Variants in NCOA7 observed in about 807,000 individuals in gnomAD.
NCOA7 encodes the protein nuclear receptor coactivator 7.
A neutral mutation model predicts 104.3 loss-of-function variants in NCOA7; 45 were observed. That is an observed-to-expected ratio of 0.43 (90% CI 0.34 to 0.55). The LOEUF (loss-of-function observed/expected upper bound fraction) is 0.55. NCOA7 is among the 20% of genes least tolerant of loss of function. The probability of loss-of-function intolerance (pLI) is 0.02; values close to 1 mark genes in which losing one functional copy is unlikely to be tolerated. For synonymous variants in NCOA7, 398 were observed against 402.3 expected (o/e 0.99, Z 0.13); for missense variants, 1,041 against 1,119.7 (o/e 0.93, Z 1.00).
At chr6:125,814,684 G>A (rs372072841) in intron 1 of NCOA7, among the ~76,000 whole-genome samples, 2 of 152,148 alleles carry the variant, frequency 1.3e-5, no homozygotes, top group African/African-American at 4.8e-5. Context: ...GCTGGCAAGC[G>A]TGGGTGAGGG....
In NCOA7 at chr6:125,928,722, A is replaced by G. The variant is rs1788267859; in HGVS notation, c.2780A>G (p.Lys927Arg). The G allele has an allele frequency of 6.2e-7, 1 of 1,614,034 alleles. No homozygotes were observed. The highest frequency in any genetic ancestry group is 8.5e-7 in the Non-Finnish European group (1 of 1,179,970). Residue 927 changes from lysine (K) to arginine (R), a missense_variant, in exon 16 of 16, where the codon AAA becomes AGA. Physicochemically the swap from Lys to Arg is conservative, Grantham distance 26. This residue lies in a region of NCOA7 where 127 missense variants were observed against 177.0 expected (regional missense o/e 0.72). Transcript: ENST00000392477. ...ACTTTCAATAATGATATTCTTTCCA[A>G]AAAGGAAGACTTCATAGTTCAGGAT... is the stretch of plus-strand genomic sequence containing the variant. ...CSTFNNDILS[K>R]KEDFIVQDLE...
At chr6:125,887,751 G>C (rs1051055306) in intron 8 of NCOA7, among the ~76,000 whole-genome samples, 21 of 152,064 alleles carry the variant, frequency 1.4e-4, no homozygotes, top group Non-Finnish European at 1.2e-4. Context: ...GACCTTTTTA[G>C]AAAATACAAT....
intron 1 of NCOA7, among the ~76,000 whole-genome samples, chr6:125,812,482 A>C (rs1161602923): frequency 6.6e-6 from 1 of 152,226 alleles, no homozygotes; most frequent in Non-Finnish European, 1.5e-5. Context: ...TAAACTAGTA[A>C]GAGCTGAGAC....
At chr6:125,788,897 A>G (rs1394093322), upstream of NCOA7, among the ~76,000 whole-genome samples, 2 of 152,082 alleles carry the variant, frequency 1.3e-5, no homozygotes, top group Non-Finnish European at 2.9e-5. Context: ...ATACTCAGTT[A>G]TAGGTTTTTG....
intron 10 of NCOA7, among the ~76,000 whole-genome samples, chr6:125,894,660 C>T (rs1383935975): frequency 6.6e-6 from 1 of 152,162 alleles, no homozygotes; most frequent in Non-Finnish European, 1.5e-5. Flanking sequence ...CAGTCCTTGA[C>T]CCCTGGTTTG....
At chr6:125,799,545 T>C (rs1775688094) in intron 1 of NCOA7, among the ~76,000 whole-genome samples, 1 of 151,804 alleles carries the variant, frequency 6.6e-6, no homozygotes, top group African/African-American at 2.4e-5. Flanking sequence ...GTTCAAGCAA[T>C]TCTCCTGAGT....
At chr6:125,839,388 G>C (rs1779913993) in intron 2 of NCOA7, among the ~76,000 whole-genome samples, 1 of 152,178 alleles carries the variant, frequency 6.6e-6, no homozygotes, top group African/African-American at 2.4e-5. Flanking sequence ...AAAGTGCTGG[G>C]ATTACAAGAG....
chr6:125,813,577 A>G (rs1398174801), intron 1 of NCOA7, among the ~76,000 whole-genome samples: 1 of 150,718 alleles, frequency 6.6e-6, no homozygotes, highest in Admixed American at 6.6e-5. Context: ...TCAGCCTCCC[A>G]AGTGCTGGGA....
chr6:125,901,678 GGATGACTAA>G (rs1190038419), intron 10 of NCOA7, among the ~76,000 whole-genome samples: 4 of 152,206 alleles, frequency 2.6e-5, no homozygotes, highest in African/African-American at 9.6e-5. Context: ...TGCCATCCAT[GGATGACTAA>G]GTGTTAAACC....
Position 125,889,790 on chromosome 6 carries a change from A to G in NCOA7, c.1736A>G (p.Asp579Gly), listed in dbSNP as rs150951617. Residue 579 changes from aspartate to glycine, a missense_variant, in exon 9 of 16, where the codon GAT becomes GGT. Physicochemically the swap from Asp to Gly is moderately conservative, Grantham distance 94. Around this residue, in one of 2 missense-constraint regions of NCOA7, gnomAD observed 914 missense variants for 942.7 expected, o/e 0.97. Coordinates refer to ENST00000392477, the MANE Select transcript of NCOA7 (RefSeq NM_181782.5). ...DPITEGNKEP[D>G]KTWVKKGEPL... is the part of the protein sequence containing the mutation. Reference sequence around the variant, plus strand: ...ATAACTGAGGGCAATAAAGAGCCAGATAAGACCTGGGTGAAAAAGGGAGAG... The same window carrying G: ...ATAACTGAGGGCAATAAAGAGCCAGGTAAGACCTGGGTGAAAAAGGGAGAG... 1.2e-5 allele frequency: 20 copies of G among 1,612,430 alleles called. No individual in the cohort carries two copies. The African/African-American group carries it at 2.4e-4, about 19-fold the overall frequency.
rs1196710464 is a variant in NCOA7 at position 125,927,674 on chromosome 6, A to G, written c.2535A>G (p.Ala845=). The G allele has an allele frequency of 1.2e-6, 2 of 1,613,924 alleles. No individual in the cohort carries two copies. Among genetic ancestry groups the G allele is most frequent in the Non-Finnish European group, 1.7e-6 (2 of 1,179,772 alleles). ...IKDMDNQIFG[A]YATHPFKFSD... ...TTTTCTTTTGACAGATTTTTGGAGCATATGCAACTCATCCTTTCAAGTTCA... is the reference window on the plus strand; with the variant it reads ...TTTTCTTTTGACAGATTTTTGGAGCGTATGCAACTCATCCTTTCAAGTTCA... The change falls in exon 14 of 16, where the codon GCA becomes GCG. Residue 845 remains alanine (A), a synonymous_variant. Coordinates refer to ENST00000392477, the MANE Select transcript of NCOA7 (RefSeq NM_181782.5).
chr6:125,858,769 C>T (rs887393107), intron 3 of NCOA7, among the ~76,000 whole-genome samples: 1 of 152,116 alleles, frequency 6.6e-6, no homozygotes, highest in Non-Finnish European at 1.5e-5. Context: ...TTCACCTTTC[C>T]ACCTAGACCC....
chr6:125,820,348 A>T (rs542719187), intron 2 of NCOA7, among the ~76,000 whole-genome samples: 2 of 152,308 alleles, frequency 1.3e-5, no homozygotes, highest in East Asian at 3.9e-4. Flanking sequence ...CCTTTACCTT[A>T]CATTTCTTCA....
At chr6:125,805,776 G>A (rs945452300) in intron 1 of NCOA7, among the ~76,000 whole-genome samples, 5 of 152,108 alleles carry the variant, frequency 3.3e-5, no homozygotes, top group Admixed American at 2.0e-4. Context: ...TTTACTATTT[G>A]GGGCGGATTT....
chr6:125,911,323 G>C (rs575606288), intron 10 of NCOA7, among the ~76,000 whole-genome samples: 1 of 152,336 alleles, frequency 6.6e-6, no homozygotes, highest in East Asian at 1.9e-4. Flanking sequence ...CCCTGCCTCA[G>C]TTTCCCTCCC....
intron 2 of NCOA7, among the ~76,000 whole-genome samples, chr6:125,836,813 G>T (rs542603466): frequency 3.3e-5 from 5 of 152,280 alleles, no homozygotes; most frequent in African/African-American, 1.2e-4. Flanking sequence ...AAAAGAACAC[G>T]TAGTAAAATC....
intron 1 of NCOA7, 173 bp from the exon 2 acceptor site, chr6:125,815,118 A>G (rs1345565638): frequency 1.2e-5 from 4 of 340,580 alleles, no homozygotes; most frequent in Non-Finnish European, 2.1e-5. Context: ...CTCCATTCTG[A>G]TTGTAGTTTC....
At chr6:125,923,061 A>G (rs759648186) in intron 13 of NCOA7, among the ~76,000 whole-genome samples, 2 of 152,172 alleles carry the variant, frequency 1.3e-5, no homozygotes, top group Admixed American at 6.5e-5. Context: ...CCAAAATGCA[A>G]ATGGATCATA....
At chr6:125,863,334 T>C (rs1296684347) in intron 3 of NCOA7, among the ~76,000 whole-genome samples, 1 of 138,906 alleles carries the variant, frequency 7.2e-6, no homozygotes, top group Non-Finnish European at 1.5e-5. Flanking sequence ...ACAGTCACTA[T>C]ACAAAAGCAA....
Sources: gnomAD v4.1 joint callset for allele counts (sites outside exome capture counted in the v4.1 genomes callset) on GRCh38, gnomAD v4.1.1 for gene constraint, gnomAD v4.1.1 regional missense constraint, MANE v1.5 for transcripts, NCBI Gene and HGNC (gene_info 2026-07-23, HGNC 2026-07-21) for gene names.